The following EML6 variants were observed in gnomAD, a reference collection of about 807,000 sequenced individuals.
EML6 encodes the protein echinoderm microtubule-associated protein-like 6.
A neutral mutation model predicts 240.1 loss-of-function variants in EML6; 154 were observed. The ratio of observed to expected loss-of-function variants is 0.64; its 90% confidence interval spans 0.56 to 0.73. The LOEUF (loss-of-function observed/expected upper bound fraction) is 0.73. Among genes scored for constraint, EML6 ranks in the 30% least tolerant of loss-of-function variants. The pLI is 0.00. For synonymous variants in EML6, 1,148 were observed against 899.0 expected, an observed-to-expected ratio of 1.28 and a Z score of -4.95; for missense variants, 2,964 against 2,474.6, an observed-to-expected ratio of 1.20 and a Z score of -4.20.
chr2:54,868,885 T>C, intron 14 of EML6: 1 of 303,996 alleles, frequency 3.3e-6, no homozygotes, highest in Non-Finnish European at 6.1e-6. Flanking sequence ...AAGGAATACC[T>C]GTGCCTCATC....
intron 24 of EML6, among the ~76,000 whole-genome samples, chr2:54,904,917 T>A (rs1020797127): frequency 6.6e-6 from 1 of 152,240 alleles, no homozygotes; most frequent in Non-Finnish European, 1.5e-5. Context: ...AGGTATTTAG[T>A]TGTAACTATA....
intron 2 of EML6, among the ~76,000 whole-genome samples, chr2:54,767,657 A>G (rs1459618739): frequency 6.7e-6 from 1 of 149,920 alleles, no homozygotes; most frequent in Non-Finnish European, 1.5e-5. Context: ...TGTTGCAAAA[A>G]TATTGGAAGA....
At chr2:54,736,426 G>C (rs1255055749) in intron 2 of EML6, among the ~76,000 whole-genome samples, 2 of 152,174 alleles carry the variant, frequency 1.3e-5, no homozygotes, top group Non-Finnish European at 2.9e-5. Flanking sequence ...ATGTGACTTT[G>C]GGCATGGCAG....
chr2:54,918,090 T>C (rs990553919), intron 26 of EML6, among the ~76,000 whole-genome samples: 3 of 152,216 alleles, frequency 2.0e-5, no homozygotes, highest in African/African-American at 7.2e-5. Flanking sequence ...ACTTACACAA[T>C]TGATTTTCTA....
intron 28 of EML6, among the ~76,000 whole-genome samples, chr2:54,932,313 C>T (rs918594893): frequency 8.5e-5 from 13 of 152,226 alleles, no homozygotes; most frequent in African/African-American, 3.1e-4. Flanking sequence ...TCTTGCTGCT[C>T]AGCTGCCACG....
chr2:54,736,746 T>C (rs1231343800), intron 2 of EML6, among the ~76,000 whole-genome samples: 1 of 152,172 alleles, frequency 6.6e-6, no homozygotes, highest in Non-Finnish European at 1.5e-5. Flanking sequence ...TGTGGTCCCC[T>C]GGTTTTCTCT....
intron 2 of EML6, among the ~76,000 whole-genome samples, chr2:54,726,818 C>T (rs1682927876): frequency 6.6e-6 from 1 of 152,136 alleles, no homozygotes; most frequent in African/African-American, 2.4e-5. Flanking sequence ...TGTCTTAATG[C>T]AGTGCTTTCC....
intron 28 of EML6, among the ~76,000 whole-genome samples, chr2:54,944,809 C>G (rs1355296204): frequency 6.6e-6 from 1 of 152,054 alleles, no homozygotes; most frequent in Non-Finnish European, 1.5e-5. Context: ...ATACACTCAA[C>G]AGAGTCCAGT....
At position 54,724,775 on chromosome 2, in the gene EML6, G is replaced by T; in HGVS notation, c.-287G>T. ...CCGGGGGCCGGAGCCCGCAGGTGCAGTGAGGCGCGCGCGCCGGTGCCGGCG... is the reference window on the plus strand; with the variant it reads ...CCGGGGGCCGGAGCCCGCAGGTGCATTGAGGCGCGCGCGCCGGTGCCGGCG... On this transcript the variant is annotated 5_prime_UTR_variant, in exon 2 of 42. Transcript: ENST00000356458. This position sits in a 1 kb window ranked among gnomAD's most constrained non-coding sequence, Gnocchi z 5.2. 1 of 153,848 alleles carries T rather than the reference G, an allele frequency of 6.5e-6. No individual in the cohort carries two copies. Among genetic ancestry groups the T allele is most frequent in the Non-Finnish European group, 1.4e-5 (1 of 69,224 alleles). The allele number at this position is 153,848 out of a possible 1,614,324, so 9.5% of individuals were successfully genotyped here. A position where few individuals can be genotyped will look rare whatever the true frequency, so the allele number is the denominator to read the frequency against.
intron 11 of EML6, among the ~76,000 whole-genome samples, chr2:54,859,020 A>G (rs1208663122): frequency 1.3e-5 from 2 of 152,198 alleles, no homozygotes; most frequent in Admixed American, 1.3e-4. Context: ...TTCAACCACA[A>G]ATATCACTTC....
At chr2:54,874,724 G>T (rs1384133781) in intron 16 of EML6, among the ~76,000 whole-genome samples, 1 of 152,156 alleles carries the variant, frequency 6.6e-6, no homozygotes, top group Admixed American at 6.5e-5. Flanking sequence ...TTGGGGTGAG[G>T]GTGTGGGGAC....
At chr2:54,898,611 T>A (rs374687572) in intron 21 of EML6, among the ~76,000 whole-genome samples, 30 of 152,244 alleles carry the variant, frequency 2.0e-4, no homozygotes, top group African/African-American at 6.8e-4. Context: ...CAAATTACTG[T>A]TTTGCTCAAA....
intron 2 of EML6, among the ~76,000 whole-genome samples, chr2:54,779,966 A>T (rs1466736973): frequency 6.6e-6 from 1 of 152,042 alleles, no homozygotes; most frequent in Admixed American, 6.5e-5. Flanking sequence ...GTGGAACAAG[A>T]TGATTGTAAA....
chr2:54,968,362 C>T lies in EML6; in HGVS notation c.5751+81C>T, dbSNP rs911029182. ...AGATAGGGGCCACGTCTAGATGGCC[C>T]TCTGGGAGACACAGAGAAACCCTGT... On this transcript the variant is annotated intron_variant, in intron 40 of 41. Coordinates refer to ENST00000356458, the MANE Select transcript of EML6 (RefSeq NM_001039753.4). The T allele has an allele frequency of 4.1e-5, 54 of 1,309,554 alleles. 1 individual carries two copies. In the Admixed American group the frequency reaches 1.1e-3, roughly 26 times the overall value. 81.1% of individuals were successfully genotyped at this position (1,309,554 alleles called of 1,614,324 possible).
Position 54,731,828 on chromosome 2 carries a change from C to T in EML6, c.197+6570C>T, listed in dbSNP as rs6737087. Reference sequence around the variant, plus strand: ...GCCCTAATTAGGCAACACTATCCTGCAGCCTCTCCTATCCTCAAGGTGTGG... The same window carrying T: ...GCCCTAATTAGGCAACACTATCCTGTAGCCTCTCCTATCCTCAAGGTGTGG... On this transcript the variant is annotated intron_variant, in intron 2 of 41. Coordinates refer to ENST00000356458, the MANE Select transcript of EML6 (RefSeq NM_001039753.4). Among the ~76,000 whole-genome samples, 918 of 152,290 alleles carry T rather than the reference C, an allele frequency of 6.0e-3. 9 individuals carry two copies. The highest frequency in any genetic ancestry group is 0.031 in the South Asian group (148 of 4,818).
chr2:54,853,634 T>A lies in EML6; in HGVS notation c.1445-9T>A. 1 of 1,492,638 alleles carries A rather than the reference T, an allele frequency of 6.7e-7. No homozygotes were observed. The highest frequency in any genetic ancestry group is 2.5e-5 in the East Asian group (1 of 40,170). The allele number at this position is 1,492,638 out of a possible 1,614,324, so 92.5% of individuals were successfully genotyped here. On this transcript the variant is annotated splice_polypyrimidine_tract_variant and intron_variant, in intron 10 of 41. Coordinates refer to ENST00000356458, the MANE Select transcript of EML6 (RefSeq NM_001039753.4). ...ATTTAAATGTAATGTTAATATTGAT[T>A]ATTTTCAGCTGGGAAGCCTTTAACA...
intron 21 of EML6, among the ~76,000 whole-genome samples, chr2:54,899,161 A>C (rs1351921997): frequency 6.6e-6 from 1 of 152,166 alleles, no homozygotes. Flanking sequence ...TTGCATAAAT[A>C]ATTAGAATAT....
chr2:54,725,036 C>A lies in EML6; in HGVS notation c.-26C>A, dbSNP rs766160944. ...AGGACGGCCCCGGCGCGCGGGGGGGCGGGGGGCGCGCGGGGTCGGCTTATC... is the reference window on the plus strand; with the variant it reads ...AGGACGGCCCCGGCGCGCGGGGGGGAGGGGGGCGCGCGGGGTCGGCTTATC... On this transcript the variant is annotated 5_prime_UTR_variant, in exon 2 of 42. Transcript: ENST00000356458. The surrounding 1 kb of genome is among the most constrained non-coding windows in gnomAD (Gnocchi z 4.3). 2.7e-6 allele frequency: 4 copies of A among 1,486,556 alleles called. No individual in the cohort carries two copies. Among genetic ancestry groups the A allele is most frequent in the South Asian group, 2.6e-5 (2 of 78,038 alleles). 92.1% of individuals were successfully genotyped at this position (1,486,556 alleles called of 1,614,324 possible).
intron 17 of EML6, chr2:54,880,838 C>T (rs1671773574): frequency 6.6e-6 from 1 of 152,184 alleles, no homozygotes; most frequent in Admixed American, 6.5e-5. Context: ...TCAGGGAAAG[C>T]ACATTTCTGG....
Sources: gnomAD v4.1 joint callset for allele counts (sites outside exome capture counted in the v4.1 genomes callset) on GRCh38, gnomAD v4.1.1 for gene constraint, Gnocchi (gnomAD v3.1) non-coding constraint, MANE v1.5 for transcripts, NCBI Gene and HGNC (gene_info 2026-07-23, HGNC 2026-07-21) for gene names.